The following FBXO34 variants were observed in gnomAD, a reference collection of about 807,000 sequenced individuals.
FBXO34 encodes F-box only protein 34.
In FBXO34, 12 loss-of-function variants were observed where a neutral mutation model predicts 24.5. That is an observed-to-expected ratio of 0.49 (90% CI 0.31 to 0.79). The LOEUF is 0.79. FBXO34 is among the 30% of genes least tolerant of loss of function. FBXO34 has a pLI of 0.04. For synonymous variants in FBXO34, 320 were observed against 311.9 expected (o/e 1.03, Z -0.27); for missense variants, 823 against 857.7 (o/e 0.96, Z 0.51).
downstream of FBXO34, among the ~76,000 whole-genome samples, chr14:55,354,083 C>T (rs962983724): frequency 4.6e-5 from 7 of 152,112 alleles, no homozygotes; most frequent in African/African-American, 7.2e-5. Context: ...CTAGGGGAGG[C>T]GCTGTGCTGG....
chr14:55,386,897 T>G, the FBXO34 span, among the ~76,000 whole-genome samples: 1 of 152,284 alleles, frequency 6.6e-6, no homozygotes, highest in African/African-American at 2.4e-5. Context: ...AAACCCAAGT[T>G]CAAAATCAAG....
downstream of FBXO34, among the ~76,000 whole-genome samples, chr14:55,358,119 A>G (rs1385960060): frequency 6.6e-6 from 1 of 151,790 alleles, no homozygotes; most frequent in Non-Finnish European, 1.5e-5. Flanking sequence ...ATTCTGCTAC[A>G]GGGTGTGTGG....
In FBXO34 at chr14:55,350,599, T is replaced by G; in HGVS notation, c.209T>G (p.Leu70Arg). 6.2e-7 allele frequency: 1 copy of G among 1,612,618 alleles called. No homozygotes were observed. ...KPFGILSPNV[L>R]CSMSGKSPVE... is the part of the protein sequence containing the mutation. ...TTTGGGATCCTTTCTCCAAATGTTC[T>G]GTGCAGTATGAGTGGGAAGAGTCCT... Residue 70 changes from leucine to arginine, a missense_variant, in exon 2 of 2, where the codon CTG becomes CGG. Transcript: ENST00000313833.
rs1429266933 is a variant in FBXO34, at chr14:55,325,580, A to G, written c.-10-24801A>G. On this transcript the variant is annotated intron_variant, in intron 1 of 1. Coordinates refer to ENST00000313833, the MANE Select transcript of FBXO34 (RefSeq NM_017943.4). Reference sequence around the variant, plus strand: ...AACCTCCGCCTCCTGGGTTCAAGCAATTCTTCTGCCTCAGCCTCCTGAGTA... The same window carrying G: ...AACCTCCGCCTCCTGGGTTCAAGCAGTTCTTCTGCCTCAGCCTCCTGAGTA... 5.3e-5 allele frequency among the ~76,000 whole-genome samples: 8 copies of G among 152,056 alleles called. No homozygotes were observed. In the East Asian group the frequency reaches 1.5e-3, roughly 29 times the overall value.
chr14:55,396,175 C>A, the FBXO34 span, among the ~76,000 whole-genome samples: 1 of 152,152 alleles, frequency 6.6e-6, no homozygotes, highest in Non-Finnish European at 1.5e-5. Flanking sequence ...TTTTGTAGTT[C>A]TGAATATTGC....
At chr14:55,365,604 A>G (rs1341704365), downstream of FBXO34, among the ~76,000 whole-genome samples, 1 of 152,190 alleles carries the variant, frequency 6.6e-6, no homozygotes, top group Non-Finnish European at 1.5e-5. Context: ...TCCTGCATCA[A>G]TCATGACATA....
At chr14:55,364,592 T>C (rs113299890), downstream of FBXO34, among the ~76,000 whole-genome samples, 8,861 of 150,938 alleles carry the variant, frequency 0.059, 328 homozygotes, top group South Asian at 0.091. Flanking sequence ...ACCTGGCTAA[T>C]TTTTTTTTGT....
chr14:55,331,697 A>ATG (rs1317714101), intron 1 of FBXO34, among the ~76,000 whole-genome samples: 2 of 67,592 alleles, frequency 3.0e-5, no homozygotes, highest in African/African-American at 2.7e-4. Flanking sequence ...GTATATATAT[A>ATG]TATATATGTA....
chr14:55,440,554 C>T, the FBXO34 span: 25 of 1,583,446 alleles, frequency 1.6e-5, no homozygotes, highest in Non-Finnish European at 2.0e-5. Flanking sequence ...ATTTATGAGC[C>T]TGGGGGCAGC....
At chr14:55,442,114 T>A in the FBXO34 span, among the ~76,000 whole-genome samples, 698 of 150,494 alleles carry the variant, frequency 4.6e-3, 3 homozygotes, top group African/African-American at 0.016. Flanking sequence ...GATTCCCGGG[T>A]GTGGTGGGTC....
chr14:55,300,330 C>T (rs1214583918), intron 1 of FBXO34, among the ~76,000 whole-genome samples: 3 of 152,266 alleles, frequency 2.0e-5, no homozygotes, highest in African/African-American at 7.2e-5. Context: ...AGGTGGCTCA[C>T]GCCTGCAATC....
chr14:55,312,103 G>A (rs1285928238), intron 1 of FBXO34, among the ~76,000 whole-genome samples: 1 of 151,898 alleles, frequency 6.6e-6, no homozygotes, highest in Non-Finnish European at 1.5e-5. Context: ...GGGAGGCTGA[G>A]TCAGGAGAAT....
At chr14:55,369,561 A>G (rs1357984198), downstream of FBXO34, 9 of 1,371,022 alleles carry the variant, frequency 6.6e-6, no homozygotes, top group Non-Finnish European at 7.8e-6. Flanking sequence ...TGTTTACTAG[A>G]GTGTAGTGGG....
At chr14:55,295,429 C>CTGT (rs1882089055) in intron 1 of FBXO34, among the ~76,000 whole-genome samples, 1 of 118,124 alleles carries the variant, frequency 8.5e-6, no homozygotes, top group Non-Finnish European at 1.6e-5. Context: ...AGTCTCTCGT[C>CTGT]TGTTGCCCAG....
At chr14:55,299,431 G>T (rs1346607991) in intron 1 of FBXO34, among the ~76,000 whole-genome samples, 1 of 151,994 alleles carries the variant, frequency 6.6e-6, no homozygotes, top group Non-Finnish European at 1.5e-5. Context: ...CGGGGGCTGT[G>T]GGGGAGAAGT....
At chr14:55,411,552 C>T in the FBXO34 span, 1 of 1,542,246 alleles carries the variant, frequency 6.5e-7, no homozygotes, top group Non-Finnish European at 8.8e-7. Flanking sequence ...GGCTGCCTGG[C>T]TGGAGGACAC....
rs560394000 is a variant in FBXO34, at chr14:55,334,390, G to A, written c.-10-15991G>A. On this transcript the variant is annotated intron_variant, in intron 1 of 1. Coordinates refer to ENST00000313833, the MANE Select transcript of FBXO34 (RefSeq NM_017943.4). ...CAGGGCACTGTGCTGTGTGCCCTGT[G>A]ATGGACACAGAAAAGAATAAGATTA... Among the ~76,000 whole-genome samples, 19 of 152,248 alleles carry A rather than the reference G, an allele frequency of 1.2e-4. No homozygotes were observed. The South Asian group carries it at 3.3e-3, about 27-fold the overall frequency.
intron 1 of FBXO34, among the ~76,000 whole-genome samples, chr14:55,318,974 A>T (rs1421722210): frequency 6.6e-6 from 1 of 152,112 alleles, no homozygotes; most frequent in East Asian, 1.9e-4. Flanking sequence ...ATTTCACACT[A>T]GGTCATCTCA....
intron 1 of FBXO34, chr14:55,339,382 C>A (rs906706770): frequency 7.1e-6 from 1 of 141,120 alleles, no homozygotes; most frequent in African/African-American, 2.6e-5. Context: ...TCACCTGCCC[C>A]CCCCCCCAAT....
Sources: gnomAD v4.1 joint callset for allele counts (sites outside exome capture counted in the v4.1 genomes callset) on GRCh38, gnomAD v4.1.1 for gene constraint, MANE v1.5 for transcripts, NCBI Gene and HGNC (gene_info 2026-07-23, HGNC 2026-07-21) for gene names.